Variants in CA12 observed in about 807,000 individuals in gnomAD.
CA12 encodes the protein carbonic anhydrase 12.
Under a neutral mutation model 46.8 loss-of-function variants are expected in CA12, and 36 were observed. That is an observed-to-expected ratio of 0.77 (90% CI 0.59 to 1.02). The LOEUF (loss-of-function observed/expected upper bound fraction) is 1.02. CA12 is among the 50% of genes least tolerant of loss of function. The pLI is 0.00. For synonymous variants in CA12, 202 were observed against 187.0 expected (o/e 1.08, Z -0.65); for missense variants, 436 against 451.4 (o/e 0.97, Z 0.31).
chr15:63,363,524 A>G (rs1465209718), intron 2 of CA12, among the ~76,000 whole-genome samples: 1 of 152,200 alleles, frequency 6.6e-6, no homozygotes, highest in Non-Finnish European at 1.5e-5. Context: ...ACTCTTCTTG[A>G]GGGTAAAAAT....
chr15:63,361,784 C>G (rs1300736996), intron 2 of CA12, among the ~76,000 whole-genome samples: 1 of 152,146 alleles, frequency 6.6e-6, no homozygotes, highest in Non-Finnish European at 1.5e-5. Context: ...ATGATGGCAG[C>G]ACCTCCTGGC....
Position 63,345,392 on chromosome 15 carries a change from G to A in CA12, c.429+85C>T. 6.4e-7 allele frequency: 1 copy of A among 1,550,856 alleles called. No homozygotes were observed. Among genetic ancestry groups the A allele is most frequent in the Non-Finnish European group, 8.8e-7 (1 of 1,141,196 alleles). On this transcript the variant is annotated intron_variant, in intron 4 of 10. Coordinates refer to ENST00000178638, the MANE Select transcript of CA12 (RefSeq NM_001218.5). This position sits in a 1 kb window ranked among gnomAD's most constrained non-coding sequence, Gnocchi z 4.3. The stretch of plus-strand genomic sequence containing the variant: ...TGAAGGCAGCCTGTCCCATGCTCTG[G>A]TGTTATCTGCACAGCAGCCAGGTCG...
intron 2 of CA12, among the ~76,000 whole-genome samples, chr15:63,369,494 A>G (rs1461712359): frequency 6.6e-6 from 1 of 152,232 alleles, no homozygotes; most frequent in Non-Finnish European, 1.5e-5. Flanking sequence ...CTCAAACTTG[A>G]GTGAGCAGCA....
In CA12 at chr15:63,340,578, C is replaced by A; in HGVS notation, c.590-133G>T. ...GTCATCTAACCCCAGGACCTGGTTG[C>A]AACATTGTTCAACAACCTGCTGCTC... is the stretch of plus-strand genomic sequence containing the variant. On this transcript the variant is annotated intron_variant, in intron 6 of 10. Coordinates refer to ENST00000178638, the MANE Select transcript of CA12 (RefSeq NM_001218.5). This position sits in a 1 kb window ranked among gnomAD's most constrained non-coding sequence, Gnocchi z 4.4. 7.3e-7 allele frequency: 1 copy of A among 1,372,770 alleles called. No homozygotes were observed. Among genetic ancestry groups the A allele is most frequent in the Non-Finnish European group, 1.0e-6 (1 of 962,148 alleles). 85.0% of individuals were successfully genotyped at this position (1,372,770 alleles called of 1,614,324 possible).
intron 2 of CA12, among the ~76,000 whole-genome samples, chr15:63,361,786 C>T (rs1156614910): frequency 6.6e-6 from 1 of 152,084 alleles, no homozygotes; most frequent in African/African-American, 2.4e-5. Flanking sequence ...GATGGCAGCA[C>T]CTCCTGGCAT....
chr15:63,365,554 G>A (rs1172150216), intron 2 of CA12, among the ~76,000 whole-genome samples: 1 of 152,236 alleles, frequency 6.6e-6, no homozygotes, highest in Admixed American at 6.5e-5. Flanking sequence ...AAGCAATAAC[G>A]GCTGTCTGGG....
At chr15:63,337,304 A>G (rs2039015548) in intron 8 of CA12, among the ~76,000 whole-genome samples, 1 of 152,200 alleles carries the variant, frequency 6.6e-6, no homozygotes, top group Admixed American at 6.5e-5. Flanking sequence ...GCTTCCTGGA[A>G]AGGGCCTTCA....
rs1266625334 is a variant in CA12 at position 63,348,721 on chromosome 15, T to C, written c.107-2012A>G. 6.6e-6 allele frequency among the ~76,000 whole-genome samples: 1 copy of C among 152,048 alleles called. No homozygotes were observed. Among genetic ancestry groups the C allele is most frequent in the Non-Finnish European group, 1.5e-5 (1 of 68,004 alleles). On this transcript the variant is annotated intron_variant, in intron 2 of 10. Coordinates refer to ENST00000178638, the MANE Select transcript of CA12 (RefSeq NM_001218.5). This position sits in a 1 kb window ranked among gnomAD's most constrained non-coding sequence, Gnocchi z 4.6. ...TTCCCACAGTGGAGGTTCAAAAAGG[T>C]TTCATCAAGAGGGCATTTTACTGAT...
intron 8 of CA12, among the ~76,000 whole-genome samples, chr15:63,332,229 A>G (rs2038946087): frequency 6.6e-6 from 1 of 152,252 alleles, no homozygotes; most frequent in Non-Finnish European, 1.5e-5. Flanking sequence ...TGCCAAGACA[A>G]GGAAGATGCC....
rs2038919513 is a variant in CA12 at position 63,330,247 on chromosome 15, A to G, written c.875-2117T>C. ...GAGCTTCCAGTGTTTGTACAGCACA[A>G]GCTCTGTTTCCTGCAGGGCCTGTGG... is the stretch of plus-strand genomic sequence containing the variant. On this transcript the variant is annotated intron_variant, in intron 8 of 10. Coordinates refer to ENST00000178638, the MANE Select transcript of CA12 (RefSeq NM_001218.5). This position sits in a 1 kb window ranked among gnomAD's most constrained non-coding sequence, Gnocchi z 4.0. Among the ~76,000 whole-genome samples the G allele has an allele frequency of 1.3e-5, 2 of 152,232 alleles. No individual in the cohort carries two copies. The highest frequency in any genetic ancestry group is 3.8e-4 in the East Asian group (2 of 5,204).
At position 63,373,252 on chromosome 15, in the gene CA12, C is replaced by T. The variant is rs1446802337; in HGVS notation, c.106+2406G>A. Reference sequence around the variant, plus strand: ...TGATGGCACACCCCTGTAATCCCAGCTACTTGGGAGGCTGAGGCAGGAGAA... The same window carrying T: ...TGATGGCACACCCCTGTAATCCCAGTTACTTGGGAGGCTGAGGCAGGAGAA... On this transcript the variant is annotated intron_variant, in intron 2 of 10. Transcript: ENST00000178638. The surrounding 1 kb of genome is among the most constrained non-coding windows in gnomAD (Gnocchi z 4.9). Among the ~76,000 whole-genome samples the T allele has an allele frequency of 6.6e-6, 1 of 151,926 alleles. No individual in the cohort carries two copies. Among genetic ancestry groups the T allele is most frequent in the Non-Finnish European group, 1.5e-5 (1 of 67,998 alleles).
At chr15:63,350,057 T>C (rs1005241869) in intron 2 of CA12, among the ~76,000 whole-genome samples, 1 of 152,176 alleles carries the variant, frequency 6.6e-6, no homozygotes, top group Non-Finnish European at 1.5e-5. Context: ...GAAAAAGAAA[T>C]CTGATTTCTG....
chr15:63,352,164 T>C (rs545488193), intron 2 of CA12, among the ~76,000 whole-genome samples: 2 of 152,358 alleles, frequency 1.3e-5, no homozygotes, highest in South Asian at 4.1e-4. Flanking sequence ...CAAGCAATTC[T>C]TCTGCCTCAG....
Position 63,340,095 on chromosome 15 carries a change from T to A in CA12, c.747+193A>T. The stretch of plus-strand genomic sequence containing the variant: ...AAAGAACTAGGAGACATCTATTCAT[T>A]TGCCTAGCTTGACTTCTTTTGAAGC... On this transcript the variant is annotated intron_variant, in intron 7 of 10. Transcript: ENST00000178638. The surrounding 1 kb of genome is among the most constrained non-coding windows in gnomAD (Gnocchi z 4.4). The A allele has an allele frequency of 1.5e-6, 1 of 671,276 alleles. No homozygotes were observed. Among genetic ancestry groups the A allele is most frequent in the East Asian group, 2.8e-5 (1 of 36,234 alleles). The allele number at this position is 671,276 out of a possible 1,614,324, so 41.6% of individuals were successfully genotyped here. A position where few individuals can be genotyped will look rare whatever the true frequency, so the allele number is the denominator to read the frequency against.
At chr15:63,375,488 A>G (rs1435349114) in intron 2 of CA12, 170 bp downstream of exon 2, 3 of 579,180 alleles carry the variant, frequency 5.2e-6, no homozygotes, top group Non-Finnish European at 9.4e-6. Context: ...ATGCAACCCA[A>G]GTTGAAGTGT....
rs906175227 is a variant in CA12, at chr15:63,354,234, G to C, written c.107-7525C>G. Among the ~76,000 whole-genome samples the C allele has an allele frequency of 7.6e-4, 116 of 152,162 alleles. 1 individual carries two copies. Among genetic ancestry groups the C allele is most frequent in the Non-Finnish European group, 1.9e-4 (13 of 68,020 alleles). Reference sequence around the variant, plus strand: ...TTGTCAGTATCACCACTGAATCAGAGGTGGTCCCGGGACAGTGAGGGAGGG... The same window carrying C: ...TTGTCAGTATCACCACTGAATCAGACGTGGTCCCGGGACAGTGAGGGAGGG... On this transcript the variant is annotated intron_variant, in intron 2 of 10. Transcript: ENST00000178638.
rs1299872354 is a variant in CA12, at chr15:63,345,469, C to T, written c.429+8G>A. On this transcript the variant is annotated splice_region_variant and intron_variant, in intron 4 of 10. Transcript: ENST00000178638. This position sits in a 1 kb window ranked among gnomAD's most constrained non-coding sequence, Gnocchi z 4.3. ...AGCAGCCTCTGCCAGACTGGCAGCCCTACTTACCTCGGCGGCGAAGTGCTG... is the reference window on the plus strand; with the variant it reads ...AGCAGCCTCTGCCAGACTGGCAGCCTTACTTACCTCGGCGGCGAAGTGCTG... 2 of 1,605,014 alleles carry T rather than the reference C, an allele frequency of 1.2e-6. No homozygotes were observed. The highest frequency in any genetic ancestry group is 1.3e-5 in the African/African-American group (1 of 74,928).
At chr15:63,347,994 C>A (rs911212368) in intron 2 of CA12, among the ~76,000 whole-genome samples, 1 of 152,192 alleles carries the variant, frequency 6.6e-6, no homozygotes, top group South Asian at 2.1e-4. Context: ...CCCCCTACAT[C>A]GTGCTCTCTA....
chr15:63,338,466 G>A (rs529280659), intron 8 of CA12, among the ~76,000 whole-genome samples: 22 of 152,208 alleles, frequency 1.4e-4, no homozygotes, highest in Non-Finnish European at 2.6e-4. Context: ...TTAGAAGTCT[G>A]ATCTCATGGA....
Sources: allele counts gnomAD v4.1 joint callset (sites outside exome capture counted in the v4.1 genomes callset), GRCh38; gene constraint gnomAD v4.1.1; non-coding constraint Gnocchi (gnomAD v3.1); transcripts MANE v1.5; gene names NCBI Gene and HGNC (gene_info 2026-07-23, HGNC 2026-07-21).